LRP12: variants seen among roughly 807,000 people sequenced by gnomAD.
LRP12 encodes the protein low-density lipoprotein receptor-related protein 12.
Under a neutral mutation model 66.0 loss-of-function variants are expected in LRP12, and 14 were observed. The ratio of observed to expected loss-of-function variants is 0.21; its 90% CI spans 0.14 to 0.33. The LOEUF is 0.33. Among genes scored for constraint, LRP12 ranks in the 10% least tolerant of loss-of-function variants. The pLI, the probability that LRP12 is intolerant of heterozygous loss-of-function variation, is 1.00. For missense variants in LRP12, 889 were observed against 1,053.4 expected (o/e 0.84, Z 2.16); for synonymous variants, 357 against 359.1 (o/e 0.99, Z 0.07).
intron 1 of LRP12, among the ~76,000 whole-genome samples, chr8:104,553,612 C>T (rs1363315143): frequency 1.3e-5 from 2 of 152,138 alleles, no homozygotes; most frequent in African/African-American, 2.4e-5. Flanking sequence ...AGTTTGAGCT[C>T]GGCCACACCT....
intron 1 of LRP12, among the ~76,000 whole-genome samples, chr8:104,585,252 A>T (rs570729769): frequency 6.6e-6 from 1 of 152,178 alleles, no homozygotes; most frequent in African/African-American, 2.4e-5. Context: ...TTTGAGACAG[A>T]GTTTCACTCG....
rs764552535 is a variant in LRP12, at chr8:104,497,818, C to A, written c.734G>T (p.Cys245Phe). 1 of 1,614,206 alleles carries A rather than the reference C, an allele frequency of 6.2e-7. No homozygotes were observed. The highest frequency in any genetic ancestry group is 1.7e-5 in the Admixed American group (1 of 60,030). The stretch of plus-strand genomic sequence containing the variant: ...GTCTATCTCATCTCCTAGGTCAAGG[C>A]AGTCAATGTTCCCATCACATTTTAA... ...ESLKCDGNID[C>F]LDLGDEIDCD... Residue 245 changes from cysteine (C) to phenylalanine (F), a missense_variant, in exon 5 of 7, where the codon TGC becomes TTC. Around this residue, in one of 3 missense-constraint regions of LRP12, gnomAD observed 800 missense variants for 964.5 expected, o/e 0.83. Transcript: ENST00000276654. This position sits in a 1 kb window ranked among gnomAD's most constrained non-coding sequence, Gnocchi z 4.3.
intron 1 of LRP12, among the ~76,000 whole-genome samples, chr8:104,579,450 AC>A (rs774000925): frequency 6.6e-6 from 1 of 152,206 alleles, no homozygotes; most frequent in Non-Finnish European, 1.5e-5. Flanking sequence ...AAATGAAAAA[AC>A]ATTCTATGTT....
chr8:104,580,331 A>G (rs1740823561), intron 1 of LRP12, among the ~76,000 whole-genome samples: 1 of 150,748 alleles, frequency 6.6e-6, no homozygotes. Context: ...CAGGACTAAC[A>G]CAGTGAAACC....
In LRP12 at chr8:104,495,103, C is replaced by A. The variant is rs1411177482; in HGVS notation, c.1687G>T (p.Asp563Tyr). 6.2e-7 allele frequency: 1 copy of A among 1,613,700 alleles called. No homozygotes were observed. The highest frequency in any genetic ancestry group is 1.1e-5 in the South Asian group (1 of 91,012). Residue 563 changes from aspartate (D) to tyrosine (Y), a missense_variant, in exon 6 of 7, where the codon GAT (aspartate) becomes TAT (tyrosine). Physicochemically the swap from Asp to Tyr is radical, Grantham distance 160. Around this residue, in one of 3 missense-constraint regions of LRP12, gnomAD observed 800 missense variants for 964.5 expected, o/e 0.83. Transcript: ENST00000276654. ...IAQGLIPPVE[D>Y]FPVCSPNQAS... ...TGATTAGGTGAACAAACAGGAAAAT[C>A]TTCAACTGGTGGAATTAAACCCTGA... is the stretch of plus-strand genomic sequence containing the variant.
intron 2 of LRP12, among the ~76,000 whole-genome samples, chr8:104,526,373 A>C (rs1811238657): frequency 6.6e-6 from 1 of 151,848 alleles, no homozygotes; most frequent in Admixed American, 6.6e-5. Flanking sequence ...CGCATCGCCA[A>C]GTCAATCCTA....
chr8:104,588,872 T>A lies in LRP12; in HGVS notation c.26A>T (p.Glu9Val). The A allele has an allele frequency of 1.2e-6, 2 of 1,611,258 alleles. No homozygotes were observed. The highest frequency in any genetic ancestry group is 2.2e-5 in the South Asian group (2 of 90,384). MACRWSTK[E>V]SPRWRSALLL... ...CAACGCAGACCTCCACCGCGGAGAC[T>A]CTTTTGTGCTCCAGCGACAGGCCAT... Residue 9 changes from glutamate to valine, a missense_variant, in exon 1 of 7, where the codon GAG (glutamate) becomes GTG (valine). Glu to Val is a moderately radical substitution (Grantham distance 121, BLOSUM62 -2). This residue lies in a region of LRP12 where 88 missense variants were observed against 72.5 expected (regional missense o/e 1.21). Coordinates refer to ENST00000276654, the MANE Select transcript of LRP12 (RefSeq NM_013437.5).
intron 2 of LRP12, among the ~76,000 whole-genome samples, chr8:104,527,387 G>A (rs1271231621): frequency 6.6e-6 from 1 of 151,054 alleles, no homozygotes; most frequent in African/African-American, 2.5e-5. Context: ...GCACACCTAT[G>A]TTTACTGCGG....
intron 1 of LRP12, among the ~76,000 whole-genome samples, chr8:104,532,796 C>T (rs965955145): frequency 6.6e-6 from 1 of 152,124 alleles, no homozygotes; most frequent in Non-Finnish European, 1.5e-5. Context: ...TTGCACCCCC[C>T]ACCCCAATGC....
At position 104,503,328 on chromosome 8, in the gene LRP12, CAAAAAAAAAAA is replaced by C. The variant is rs59353283; in HGVS notation, c.273-3820_273-3810del. On this transcript the variant is annotated intron_variant, in intron 3 of 6. Transcript: ENST00000276654. Reference sequence around the variant, plus strand: ...GGTGACAAAGCGAGACTGTGTCTCTCAAAAAAAAAAAAAAAAAAAAAAAAAAAAAAGATTCA... The same window carrying C: ...GGTGACAAAGCGAGACTGTGTCTCTCAAAAAAAAAAAAAAAAAAAGATTCA... 9.7e-3 allele frequency among the ~76,000 whole-genome samples: 292 copies of C among 30,090 alleles called. 3 individuals are homozygous for C. Among genetic ancestry groups the C allele is most frequent in the Admixed American group, 0.027 (54 of 2,008 alleles). The allele number at this position is 30,090 out of a possible 152,430, so 19.7% of individuals were successfully genotyped here.
At chr8:104,499,098 C>A (rs1810784327) in intron 4 of LRP12, among the ~76,000 whole-genome samples, 1 of 152,102 alleles carries the variant, frequency 6.6e-6, no homozygotes, top group African/African-American at 2.4e-5. Flanking sequence ...AGAAAATTAA[C>A]CTTAGTATAT....
rs1234797186 is a variant in LRP12 at position 104,511,013 on chromosome 8, G to C, written c.137-1939C>G. On this transcript the variant is annotated intron_variant, in intron 2 of 6. Transcript: ENST00000276654. ...ATGGCCAAATACCACTATTACAATT[G>C]TAATTTGGAAAAATGACTTTTTTTT... is the stretch of plus-strand genomic sequence containing the variant. Among the ~76,000 whole-genome samples, 33 of 129,658 alleles carry C rather than the reference G, an allele frequency of 2.5e-4. 1 individual carries two copies. The allele number at this position is 129,658 out of a possible 152,430, so 85.1% of individuals were successfully genotyped here.
At position 104,497,526 on chromosome 8, in the gene LRP12, T is replaced by C; in HGVS notation, c.1026A>G (p.Thr342=). 4.3e-6 allele frequency: 7 copies of C among 1,614,032 alleles called. No individual in the cohort carries two copies. Among genetic ancestry groups the C allele is most frequent in the African/African-American group, 1.3e-5 (1 of 75,030 alleles). Residue 342 remains threonine (T), a synonymous_variant, in exon 5 of 7, where the codon ACA becomes ACG. Transcript: ENST00000276654. This position sits in a 1 kb window ranked among gnomAD's most constrained non-coding sequence, Gnocchi z 4.3. ...LTAFDSHAPL[T]VVSSSGQIRV... ...TTATCTGTCCAGAAGAAGAAACAAC[T>C]GTAAGAGGTGCATGAGAATCAAAAG...
At chr8:104,582,768 A>G (rs2140901999) in intron 1 of LRP12, among the ~76,000 whole-genome samples, 1 of 152,238 alleles carries the variant, frequency 6.6e-6, no homozygotes, top group Non-Finnish European at 1.5e-5. Context: ...AGCCTTCTCT[A>G]TTCTAGATTA....
intron 1 of LRP12, among the ~76,000 whole-genome samples, chr8:104,563,993 G>T (rs1447616174): frequency 6.6e-6 from 1 of 152,160 alleles, no homozygotes; most frequent in Non-Finnish European, 1.5e-5. Flanking sequence ...GTTTGCTATT[G>T]TTACAAGAAT....
At chr8:104,502,958 G>A (rs890649206) in intron 3 of LRP12, among the ~76,000 whole-genome samples, 6 of 152,170 alleles carry the variant, frequency 3.9e-5, no homozygotes, top group Non-Finnish European at 8.8e-5. Flanking sequence ...GCTGAGGTGG[G>A]TGGATCACCT....
chr8:104,565,422 C>G lies in LRP12; in HGVS notation c.79+23397G>C, dbSNP rs961581451. Among the ~76,000 whole-genome samples the G allele has an allele frequency of 2.6e-5, 4 of 152,002 alleles. No homozygotes were observed. In the East Asian group the frequency reaches 5.8e-4, roughly 22 times the overall value. On this transcript the variant is annotated intron_variant, in intron 1 of 6. Coordinates refer to ENST00000276654, the MANE Select transcript of LRP12 (RefSeq NM_013437.5). The stretch of plus-strand genomic sequence containing the variant: ...TTGGTATGAGAACCAAAATGTTTAA[C>G]GTAAAAGTTACAAAAGGATAAAATA...
chr8:104,537,834 C>G (rs187150909), intron 1 of LRP12, among the ~76,000 whole-genome samples: 1 of 152,094 alleles, frequency 6.6e-6, no homozygotes, highest in Non-Finnish European at 1.5e-5. Flanking sequence ...TCATTCTGTA[C>G]GATTCTATTC....
chr8:104,560,399 C>T (rs893252939), intron 1 of LRP12, among the ~76,000 whole-genome samples: 1 of 151,828 alleles, frequency 6.6e-6, no homozygotes, highest in African/African-American at 2.4e-5. Context: ...AAGCACACAA[C>T]GGTGTGCTTA....
Sources: allele counts gnomAD v4.1 joint callset (sites outside exome capture counted in the v4.1 genomes callset), GRCh38; gene constraint gnomAD v4.1.1; regional missense constraint gnomAD v4.1.1; non-coding constraint Gnocchi (gnomAD v3.1); transcripts MANE v1.5; gene names NCBI Gene and HGNC (gene_info 2026-07-23, HGNC 2026-07-21).